The following CPQ variants were observed in gnomAD, a reference collection of about 807,000 sequenced individuals.
The protein encoded by CPQ is carboxypeptidase Q, also known as Ser-Met dipeptidase.
A neutral mutation model predicts 45.7 loss-of-function variants in CPQ; 37 were observed. The observed-to-expected ratio is 0.81, with a 90% CI of 0.62 to 1.07. CPQ has a LOEUF of 1.07. Ranked by LOEUF, CPQ falls within the 50% of genes least tolerant of loss-of-function variation. CPQ has a pLI of 0.00. For synonymous variants in CPQ, 186 were observed against 205.8 expected (o/e 0.90, Z 0.82); for missense variants, 537 against 572.9 (o/e 0.94, Z 0.64).
At position 96,715,783 on chromosome 8, in the gene CPQ, C is replaced by T. The variant is rs117506994; in HGVS notation, c.-34-69081C>T. 1.9e-3 allele frequency among the ~76,000 whole-genome samples: 288 copies of T among 152,286 alleles called. 5 individuals are homozygous for T. Among genetic ancestry groups the T allele is most frequent in the Admixed American group, 0.013 (192 of 15,310 alleles). On this transcript the variant is annotated intron_variant, in intron 1 of 7. Transcript: ENST00000220763. ...GGGTGCTCCCTTGATGTGGTGCAGT[C>T]CCCCTTTCTGCAGGAATAGGAGTCC...
intron 4 of CPQ, among the ~76,000 whole-genome samples, chr8:96,919,816 T>A (rs6983702): frequency 3.3e-4 from 50 of 152,144 alleles, no homozygotes; most frequent in Non-Finnish European, 5.7e-4. Context: ...AATCACTTTA[T>A]CAGTGAAATT....
rs1172189500 is a variant in CPQ at position 96,767,635 on chromosome 8, C to CTTT, written c.-34-17205_-34-17203dup. On this transcript the variant is annotated intron_variant, in intron 1 of 7. Coordinates refer to ENST00000220763, the MANE Select transcript of CPQ (RefSeq NM_016134.4). ...AATCCCTTTCAGCTGGTTACCTATG[C>CTTT]TTTTTTTTTTTTTTTTTTTTTTTTT... Among the ~76,000 whole-genome samples the CTTT allele has an allele frequency of 9.8e-3, 386 of 39,310 alleles. 106 individuals are homozygous for CTTT. Among genetic ancestry groups the CTTT allele is most frequent in the African/African-American group, 0.019 (169 of 9,074 alleles). The allele number at this position is 39,310 out of a possible 152,430, so 25.8% of individuals were successfully genotyped here. A position where few individuals can be genotyped will look rare whatever the true frequency, so the allele number is the denominator to read the frequency against.
At chr8:96,873,618 TA>T (rs1270455342) in intron 3 of CPQ, among the ~76,000 whole-genome samples, 2 of 151,714 alleles carry the variant, frequency 1.3e-5, no homozygotes, top group Admixed American at 1.3e-4. Context: ...TTAGAAGCTT[TA>T]AAAAAAACTC....
At chr8:96,738,866 G>A (rs1810035475) in intron 1 of CPQ, among the ~76,000 whole-genome samples, 1 of 151,970 alleles carries the variant, frequency 6.6e-6, no homozygotes, top group African/African-American at 2.4e-5. Context: ...ATCATTGTTG[G>A]ACATTTGGGT....
chr8:96,737,256 A>AC (rs1253395030), intron 1 of CPQ, among the ~76,000 whole-genome samples: 103 of 147,086 alleles, frequency 7.0e-4, no homozygotes, highest in African/African-American at 2.4e-3. Context: ...CACACACACA[A>AC]AAAAAAACTA....
chr8:96,854,557 A>AAAAAAAAAAAAAC (rs1554573253), intron 3 of CPQ, among the ~76,000 whole-genome samples: 3 of 76,886 alleles, frequency 3.9e-5, no homozygotes, highest in African/African-American at 1.5e-4. Context: ...AAAAAAAAAA[A>AAAAAAAAAAAAAC]AATGTGGTGG....
chr8:97,021,003 G>T (rs543504026), intron 5 of CPQ, among the ~76,000 whole-genome samples: 1 of 151,938 alleles, frequency 6.6e-6, no homozygotes. Flanking sequence ...ATCCAACAAC[G>T]TATCAAAAAG....
At chr8:96,842,991 C>T (rs543636668) in intron 3 of CPQ, among the ~76,000 whole-genome samples, 51 of 152,226 alleles carry the variant, frequency 3.4e-4, no homozygotes, top group Non-Finnish European at 6.2e-4. Flanking sequence ...CTGCTACCTC[C>T]GCCTCCCGGG....
At position 96,966,025 on chromosome 8, in the gene CPQ, C is replaced by G. The variant is rs1563541033; in HGVS notation, c.940C>G (p.Leu314Val). 6.2e-7 allele frequency: 1 copy of G among 1,612,482 alleles called. No individual in the cohort carries two copies. Among genetic ancestry groups the G allele is most frequent in the East Asian group, 2.2e-5 (1 of 44,846 alleles). ...GGGAFISWEA[L>V]SLIKDLGLRP... ...TGGAGCCTTTATATCATGGGAAGCA[C>G]TCTCACTTATTAAAGATCTTGGTAA... Residue 314 changes from leucine to valine, a missense_variant, in exon 5 of 8, where the codon CTC becomes GTC. Transcript: ENST00000220763.
At chr8:97,015,013 A>G (rs1479668624) in intron 5 of CPQ, among the ~76,000 whole-genome samples, 1 of 152,200 alleles carries the variant, frequency 6.6e-6, no homozygotes, top group Non-Finnish European at 1.5e-5. Flanking sequence ...TTTATAATAC[A>G]TGATTCAAGT....
chr8:96,720,704 C>A (rs570320040), intron 1 of CPQ, among the ~76,000 whole-genome samples: 1 of 151,844 alleles, frequency 6.6e-6, no homozygotes, highest in African/African-American at 2.4e-5. Flanking sequence ...AGTTTTGCTC[C>A]CCCCTCCTCC....
At chr8:96,973,186 AC>A (rs1438886895) in intron 5 of CPQ, among the ~76,000 whole-genome samples, 1 of 152,030 alleles carries the variant, frequency 6.6e-6, no homozygotes, top group Non-Finnish European at 1.5e-5. Context: ...TAAATGTAAA[AC>A]AATCACAACT....
intron 5 of CPQ, among the ~76,000 whole-genome samples, chr8:96,987,515 G>A (rs917497446): frequency 6.6e-6 from 1 of 152,172 alleles, no homozygotes; most frequent in Non-Finnish European, 1.5e-5. Context: ...AAGCATAGAT[G>A]GGTTAGAGGA....
At chr8:96,708,289 C>T (rs549509047) in intron 1 of CPQ, among the ~76,000 whole-genome samples, 1 of 152,102 alleles carries the variant, frequency 6.6e-6, no homozygotes, top group South Asian at 2.1e-4. Context: ...TCTTAAATCC[C>T]TTTTGCTATA....
intron 1 of CPQ, among the ~76,000 whole-genome samples, chr8:96,708,520 T>C (rs1398992631): frequency 6.6e-6 from 1 of 151,828 alleles, no homozygotes; most frequent in Non-Finnish European, 1.5e-5. Flanking sequence ...TCAAAATAAT[T>C]TAAGAACAAT....
At chr8:96,913,271 T>C (rs899547325) in intron 4 of CPQ, among the ~76,000 whole-genome samples, 1 of 152,202 alleles carries the variant, frequency 6.6e-6, no homozygotes, top group African/African-American at 2.4e-5. Flanking sequence ...TTTTAAAAAC[T>C]GGTTACAACA....
rs190927029 is a variant in CPQ at position 96,724,438 on chromosome 8, G to A, written c.-34-60426G>A. Among the ~76,000 whole-genome samples the A allele has an allele frequency of 2.2e-4, 33 of 151,616 alleles. 1 individual carries two copies. The highest frequency in any genetic ancestry group is 7.9e-4 in the Admixed American group (12 of 15,156). ...AGGTGATTTGCAGTAGTATTTCTGTGCATAACATTCAAGCTGAGAGCCAAG... is the reference window on the plus strand; with the variant it reads ...AGGTGATTTGCAGTAGTATTTCTGTACATAACATTCAAGCTGAGAGCCAAG... On this transcript the variant is annotated intron_variant, in intron 1 of 7. Coordinates refer to ENST00000220763, the MANE Select transcript of CPQ (RefSeq NM_016134.4).
At chr8:97,124,647 T>G (rs1811815238) in intron 7 of CPQ, among the ~76,000 whole-genome samples, 1 of 152,106 alleles carries the variant, frequency 6.6e-6, no homozygotes, top group Non-Finnish European at 1.5e-5. Context: ...CCCAAATACT[T>G]GGAAATTAAA....
intron 4 of CPQ, among the ~76,000 whole-genome samples, chr8:96,937,228 TAAACTC>T (rs1199192239): frequency 6.6e-6 from 1 of 152,134 alleles, no homozygotes; most frequent in Admixed American, 6.5e-5. Flanking sequence ...GGAGAGCACT[TAAACTC>T]AGGGAATCAG....
Sources: allele counts gnomAD v4.1 joint callset (sites outside exome capture counted in the v4.1 genomes callset), GRCh38; gene constraint gnomAD v4.1.1; transcripts MANE v1.5; gene names NCBI Gene and HGNC (gene_info 2026-07-23, HGNC 2026-07-21).